ZNF609: variants seen among roughly 807,000 people sequenced by gnomAD.
ZNF609 encodes the protein zinc finger protein 609.
In ZNF609, 11 loss-of-function variants were observed where a neutral mutation model predicts 109.5. The observed-to-expected ratio is 0.10, with a 90% CI of 0.06 to 0.17. The LOEUF (loss-of-function observed/expected upper bound fraction) is 0.17, where lower values mean the gene tolerates loss of function less well. Ranked by LOEUF, ZNF609 falls within the 10% of genes least tolerant of loss-of-function variation. The pLI is 1.00. For missense variants in ZNF609, 1,559 were observed against 1,772.4 expected (o/e 0.88, Z 2.16); for synonymous variants, 646 against 662.0 (o/e 0.98, Z 0.37).
At chr15:64,489,913 G>A (rs1893388199) in intron 1 of ZNF609, among the ~76,000 whole-genome samples, 2 of 152,100 alleles carry the variant, frequency 1.3e-5, no homozygotes, top group South Asian at 4.1e-4. Context: ...GAGCTACATA[G>A]CCATCCAATT....
intron 6 of ZNF609, among the ~76,000 whole-genome samples, chr15:64,679,399 A>G (rs1896850082): frequency 6.6e-6 from 1 of 152,186 alleles, no homozygotes. Flanking sequence ...TTAGAAGAAA[A>G]TGCTCTTATT....
At chr15:64,595,210 A>G (rs1895372262) in intron 2 of ZNF609, among the ~76,000 whole-genome samples, 1 of 150,936 alleles carries the variant, frequency 6.6e-6, no homozygotes, top group African/African-American at 2.4e-5. Flanking sequence ...AAATACCAAA[A>G]ATTAGCCGGG....
At chr15:64,626,957 A>C (rs1425065486) in intron 3 of ZNF609, among the ~76,000 whole-genome samples, 1 of 152,140 alleles carries the variant, frequency 6.6e-6, no homozygotes, top group African/African-American at 2.4e-5. Flanking sequence ...ACTTCAAATC[A>C]AAATACTGAG....
chr15:64,635,940 CTT>C (rs765406914), intron 3 of ZNF609, among the ~76,000 whole-genome samples: 12 of 152,102 alleles, frequency 7.9e-5, no homozygotes, highest in Non-Finnish European at 1.6e-4. Flanking sequence ...CTCCCTCAGG[CTT>C]TACAGAACAA....
At chr15:64,567,659 T>TTTTA (rs996127479) in intron 2 of ZNF609, among the ~76,000 whole-genome samples, 4 of 152,022 alleles carry the variant, frequency 2.6e-5, no homozygotes, top group Non-Finnish European at 5.9e-5. Context: ...AACATTTATT[T>TTTTA]TTTATTTATT....
chr15:64,536,577 T>C (rs1223893110), intron 2 of ZNF609, among the ~76,000 whole-genome samples: 1 of 152,034 alleles, frequency 6.6e-6, no homozygotes, highest in African/African-American at 2.4e-5. Flanking sequence ...AGATGGGACT[T>C]AATGAAATAC....
In ZNF609 at chr15:64,683,813, T is replaced by C. The variant is rs1488100950; in HGVS notation, c.*2127T>C. Reference sequence around the variant, plus strand: ...TCTGTGGCACTGGCCTGCAGCATACTCTGTATATATTGTAAAGAAACCGTT... The same window carrying C: ...TCTGTGGCACTGGCCTGCAGCATACCCTGTATATATTGTAAAGAAACCGTT... On this transcript the variant is annotated 3_prime_UTR_variant, in exon 10 of 10. Transcript: ENST00000326648. The C allele has an allele frequency of 6.6e-6, 1 of 152,270 alleles. No homozygotes were observed. Among genetic ancestry groups the C allele is most frequent in the Non-Finnish European group, 1.5e-5 (1 of 68,054 alleles). 9.4% of individuals were successfully genotyped at this position (152,270 alleles called of 1,614,324 possible).
At chr15:64,512,362 T>C (rs1893745167) in intron 2 of ZNF609, among the ~76,000 whole-genome samples, 1 of 152,142 alleles carries the variant, frequency 6.6e-6, no homozygotes, top group Non-Finnish European at 1.5e-5. Flanking sequence ...TCTATGTAGA[T>C]TAGAAAGGGG....
rs1216344209 is a variant in ZNF609 at position 64,496,321 on chromosome 15, T to C, written c.-127-2972T>C. Among the ~76,000 whole-genome samples, 3 of 152,216 alleles carry C rather than the reference T, an allele frequency of 2.0e-5. No individual in the cohort carries two copies. The South Asian group carries it at 6.2e-4, about 31-fold the overall frequency. ...TTTCTAGAGGAAGGTCTTTTGAAAC[T>C]AAGGAAAGTTTTATTGTTTTTCTAG... On this transcript the variant is annotated intron_variant, in intron 1 of 9. Transcript: ENST00000326648.
chr15:64,657,620 A>C (rs1896510396), intron 3 of ZNF609, among the ~76,000 whole-genome samples: 1 of 152,220 alleles, frequency 6.6e-6, no homozygotes, highest in African/African-American at 2.4e-5. Flanking sequence ...CTCAAAAAAA[A>C]ACAGCAGCGT....
intron 2 of ZNF609, among the ~76,000 whole-genome samples, chr15:64,558,334 A>C (rs1298604785): frequency 1.3e-5 from 2 of 152,118 alleles, no homozygotes; most frequent in African/African-American, 4.8e-5. Flanking sequence ...TAACTGTGGC[A>C]GTTTACTTTA....
chr15:64,551,584 G>A (rs1894475309), intron 2 of ZNF609, among the ~76,000 whole-genome samples: 2 of 150,070 alleles, frequency 1.3e-5, no homozygotes, highest in Admixed American at 6.6e-5. Context: ...CCTGGGAAGC[G>A]GAGGTTATGG....
intron 3 of ZNF609, among the ~76,000 whole-genome samples, chr15:64,627,651 C>CT (rs200066648): frequency 0.017 from 1,735 of 103,870 alleles, 29 homozygotes; most frequent in African/African-American, 0.052. Flanking sequence ...CTTTTTAGTT[C>CT]TTTTTTTCTT....
At position 64,675,751 on chromosome 15, in the gene ZNF609, A is replaced by G. The variant is rs752972384; in HGVS notation, c.2897A>G (p.Asn966Ser). 1.2e-5 allele frequency: 19 copies of G among 1,614,176 alleles called. No homozygotes were observed. Among genetic ancestry groups the G allele is most frequent in the Admixed American group, 6.7e-5 (4 of 60,012 alleles). ...CCCTCGGTCATCCAGCAGCGTCCCAATATGTACATGCAGTCCCTGTACTAC... is the reference window on the plus strand; with the variant it reads ...CCCTCGGTCATCCAGCAGCGTCCCAGTATGTACATGCAGTCCCTGTACTAC... ...QQPSVIQQRP[N>S]MYMQSLYYNQ... is the part of the protein sequence containing the mutation. The change falls in exon 5 of 10, where the codon AAT (asparagine) becomes AGT (serine). Residue 966 changes from asparagine to serine, a missense_variant. Physicochemically the swap from Asn to Ser is conservative, Grantham distance 46. Transcript: ENST00000326648.
rs908329301 is a variant in ZNF609 at position 64,576,944 on chromosome 15, A to G, written c.748-45883A>G. Reference sequence around the variant, plus strand: ...TATATGTGTATATATACATATAAATATATACATATATGTATATATACACAT... The same window carrying G: ...TATATGTGTATATATACATATAAATGTATACATATATGTATATATACACAT... On this transcript the variant is annotated intron_variant, in intron 2 of 9. Coordinates refer to ENST00000326648, the MANE Select transcript of ZNF609 (RefSeq NM_015042.2). Among the ~76,000 whole-genome samples, 35 of 133,088 alleles carry G rather than the reference A, an allele frequency of 2.6e-4. 1 individual carries two copies. The highest frequency in any genetic ancestry group is 9.0e-4 in the African/African-American group (34 of 37,572). 87.3% of individuals were successfully genotyped at this position (133,088 alleles called of 152,430 possible).
At chr15:64,489,885 G>T (rs142404792) in intron 1 of ZNF609, among the ~76,000 whole-genome samples, 5 of 152,124 alleles carry the variant, frequency 3.3e-5, no homozygotes, top group Admixed American at 6.6e-5. Context: ...TTTATCTCTG[G>T]GGATAAGAAC....
At chr15:64,638,458 A>G (rs1896209935) in intron 3 of ZNF609, among the ~76,000 whole-genome samples, 1 of 151,996 alleles carries the variant, frequency 6.6e-6, no homozygotes, top group African/African-American at 2.4e-5. Flanking sequence ...TGAAATTTTG[A>G]TTAGGATCTA....
chr15:64,567,071 G>A (rs1181262396), intron 2 of ZNF609, among the ~76,000 whole-genome samples: 1 of 152,174 alleles, frequency 6.6e-6, no homozygotes, highest in Non-Finnish European at 1.5e-5. Context: ...TAGCTAAAAA[G>A]GAACTGGCTA....
chr15:64,524,102 T>C (rs1336030265), intron 2 of ZNF609, among the ~76,000 whole-genome samples: 3 of 151,980 alleles, frequency 2.0e-5, no homozygotes, highest in African/African-American at 7.2e-5. Flanking sequence ...CAGTGGTTTA[T>C]ACTATATTCA....
Sources: allele counts gnomAD v4.1 joint callset (sites outside exome capture counted in the v4.1 genomes callset), GRCh38; gene constraint gnomAD v4.1.1; transcripts MANE v1.5; gene names NCBI Gene and HGNC (gene_info 2026-07-23, HGNC 2026-07-21).